TBC1D32: variants seen among roughly 807,000 people sequenced by gnomAD.
The protein encoded by TBC1D32 is protein broad-minded.
In TBC1D32, 151 loss-of-function variants were observed where a neutral mutation model predicts 170.3. The ratio of observed to expected loss-of-function variants is 0.89; its 90% CI spans 0.78 to 1.01. TBC1D32 has a LOEUF of 1.01. Ranked by LOEUF, TBC1D32 falls within the 50% of genes least tolerant of loss-of-function variation. The pLI is 0.00. For synonymous variants in TBC1D32, 498 were observed against 488.0 expected (o/e 1.02, Z -0.27); for missense variants, 1,464 against 1,457.1 (o/e 1.00, Z -0.08).
chr6:121,334,594 A>G (rs1173736038), upstream of TBC1D32: 1 of 775,770 alleles, frequency 1.3e-6, no homozygotes, highest in Non-Finnish European at 2.0e-6. Context: ...CCAGTGCGTC[A>G]TTTCGGAAAA....
chr6:121,157,615 T>G (rs1785074970), intron 24 of TBC1D32, among the ~76,000 whole-genome samples: 1 of 152,124 alleles, frequency 6.6e-6, no homozygotes, highest in Non-Finnish European at 1.5e-5. Flanking sequence ...GTTATGTGCT[T>G]TAGTGTGTCT....
Position 121,080,436 on chromosome 6 carries a change from G to T in TBC1D32, c.*335C>A, listed in dbSNP as rs1382502600. 1.6e-5 allele frequency: 4 copies of T among 248,896 alleles called. No homozygotes were observed. Among genetic ancestry groups the T allele is most frequent in the Non-Finnish European group, 3.3e-5 (4 of 119,798 alleles). 15.4% of individuals were successfully genotyped at this position (248,896 alleles called of 1,614,324 possible). A position where few individuals can be genotyped will look rare whatever the true frequency, so the allele number is the denominator to read the frequency against. ...TCACCATTTTGGCCAGGATGGTCTC[G>T]ATCTCTTGACCTCGTGATCCGCCCA... On this transcript the variant is annotated 3_prime_UTR_variant, in exon 32 of 32. Transcript: ENST00000398212.
chr6:121,156,409 T>C (rs1274129763), intron 24 of TBC1D32, among the ~76,000 whole-genome samples: 1 of 152,048 alleles, frequency 6.6e-6, no homozygotes, highest in Admixed American at 6.5e-5. Context: ...CTTCTTTTTT[T>C]TTTCTTTGTT....
At chr6:121,260,488 T>C (rs1032683794) in intron 15 of TBC1D32, among the ~76,000 whole-genome samples, 2 of 151,926 alleles carry the variant, frequency 1.3e-5, no homozygotes, top group Non-Finnish European at 1.5e-5. Context: ...ACTAGGCGGC[T>C]GGCATGACCC....
rs1264742404 is a variant in TBC1D32, at chr6:121,160,093, G to C, written c.2690C>G (p.Pro897Arg). Residue 897 changes from proline to arginine, a missense_variant, in exon 24 of 32, where the codon CCA (proline) becomes CGA (arginine). Transcript: ENST00000398212. ...TGATGAAAACATTGGCCAAGGATAT[G>C]GATTATCACTCTAAAAAAGAAGCAA... Reference protein sequence around the residue: ...PPRLLEKSDNPYPWPMFSSYP... With the variant: ...PPRLLEKSDNRYPWPMFSSYP... 1 of 1,594,254 alleles carries C rather than the reference G, an allele frequency of 6.3e-7. No individual in the cohort carries two copies.
chr6:121,316,079 A>G (rs1482645103), intron 3 of TBC1D32, among the ~76,000 whole-genome samples: 1 of 152,182 alleles, frequency 6.6e-6, no homozygotes, highest in Non-Finnish European at 1.5e-5. Flanking sequence ...GAAACAAAAC[A>G]AGATAAAAAA....
intron 13 of TBC1D32, 42 bp from the exon 14 acceptor site, chr6:121,281,728 A>G (rs1420760974): frequency 6.8e-7 from 1 of 1,465,402 alleles, no homozygotes; most frequent in East Asian, 2.4e-5. Flanking sequence ...AACATTAAAT[A>G]CTTAGAACTA....
chr6:121,240,144 GT>G (rs1026780931), intron 19 of TBC1D32, among the ~76,000 whole-genome samples: 1 of 152,036 alleles, frequency 6.6e-6, no homozygotes, highest in Non-Finnish European at 1.5e-5. Context: ...TCAAGAAACT[GT>G]AGTCTTCCTC....
At chr6:121,129,755 TATC>T (rs1781231029) in intron 25 of TBC1D32, 2 of 309,954 alleles carry the variant, frequency 6.5e-6, no homozygotes, top group Admixed American at 4.1e-5. Flanking sequence ...AGAGGACAGG[TATC>T]ATTCAGGGGA....
In TBC1D32 at chr6:121,184,867, G is replaced by A. The variant is rs539327842; in HGVS notation, c.2570+20208C>T. Among the ~76,000 whole-genome samples the A allele has an allele frequency of 5.4e-4, 82 of 152,108 alleles. 1 individual carries two copies. Among genetic ancestry groups the A allele is most frequent in the Middle Eastern group, 3.4e-3 (1 of 294 alleles). The stretch of plus-strand genomic sequence containing the variant: ...TTTGCACATAATCCCATTCAAGCAA[G>A]CACTAGGGCAGCTGAGGAAAGAGGC... On this transcript the variant is annotated intron_variant, in intron 22 of 31. Coordinates refer to ENST00000398212, the MANE Select transcript of TBC1D32 (RefSeq NM_152730.6).
chr6:121,294,468 A>C (rs1318254786), intron 11 of TBC1D32, 102 bp downstream of exon 11: 3 of 758,456 alleles, frequency 4.0e-6, no homozygotes, highest in Non-Finnish European at 6.4e-6. Context: ...GACCTAATTT[A>C]CCATACTAAC....
intron 20 of TBC1D32, among the ~76,000 whole-genome samples, chr6:121,229,737 CCTA>C (rs1247211945): frequency 1.3e-5 from 2 of 152,232 alleles, no homozygotes; most frequent in East Asian, 3.9e-4. Flanking sequence ...ACTATCTTCA[CCTA>C]CTATTTGGTT....
At chr6:121,140,965 G>C (rs961452056) in intron 24 of TBC1D32, among the ~76,000 whole-genome samples, 2 of 152,122 alleles carry the variant, frequency 1.3e-5, no homozygotes, top group Non-Finnish European at 2.9e-5. Context: ...TTAATGTCCA[G>C]TGACAGAGTC....
At chr6:121,275,238 A>G (rs1296075119) in intron 15 of TBC1D32, among the ~76,000 whole-genome samples, 1 of 152,216 alleles carries the variant, frequency 6.6e-6, no homozygotes, top group African/African-American at 2.4e-5. Flanking sequence ...GCCTTAAGCT[A>G]AAAGAAATTA....
intron 29 of TBC1D32, among the ~76,000 whole-genome samples, chr6:121,107,571 A>G (rs950348717): frequency 2.0e-5 from 3 of 151,974 alleles, no homozygotes; most frequent in African/African-American, 7.2e-5. Flanking sequence ...TGTTAAAATA[A>G]TAATATGGAC....
chr6:121,238,516 T>C (rs1019134923), intron 20 of TBC1D32, among the ~76,000 whole-genome samples: 2 of 152,110 alleles, frequency 1.3e-5, no homozygotes, highest in African/African-American at 4.8e-5. Flanking sequence ...ACAATCAAAG[T>C]TAGGAATCGT....
At chr6:121,200,510 T>C (rs946290336) in intron 22 of TBC1D32, among the ~76,000 whole-genome samples, 1 of 151,664 alleles carries the variant, frequency 6.6e-6, no homozygotes, top group Admixed American at 6.6e-5. Flanking sequence ...CCTTGGGCAG[T>C]ATCAAAAGTT....
In TBC1D32 at chr6:121,317,641, T is replaced by C; in HGVS notation, c.349A>G (p.Ile117Val). 2 of 1,610,654 alleles carry C rather than the reference T, an allele frequency of 1.2e-6. No homozygotes were observed. The highest frequency in any genetic ancestry group is 1.7e-6 in the Non-Finnish European group (2 of 1,178,442). The change falls in exon 3 of 32, where the codon ATT becomes GTT. Residue 117 changes from isoleucine (I) to valine (V), a missense_variant. Physicochemically the swap from Ile to Val is conservative, Grantham distance 29. Around this residue, in one of 3 missense-constraint regions of TBC1D32, gnomAD observed 1,363 missense variants for 1,338.1 expected, o/e 1.02. Coordinates refer to ENST00000398212, the MANE Select transcript of TBC1D32 (RefSeq NM_152730.6). ...ATAGACTCGACCACAGCTATCATAA[T>C]GTTCTTCAGGTAATGCATCATTTCT... is the stretch of plus-strand genomic sequence containing the variant. ...YKEMMHYLKN[I>V]MIAVVESMIN...
At chr6:121,269,065 G>C (rs923359216) in intron 15 of TBC1D32, among the ~76,000 whole-genome samples, 2 of 152,122 alleles carry the variant, frequency 1.3e-5, no homozygotes, top group African/African-American at 4.8e-5. Flanking sequence ...CAAATGCTGA[G>C]AGATTTTGTC....
Sources: gnomAD v4.1 joint callset for allele counts (sites outside exome capture counted in the v4.1 genomes callset) on GRCh38, gnomAD v4.1.1 for gene constraint, gnomAD v4.1.1 regional missense constraint, MANE v1.5 for transcripts, NCBI Gene and HGNC (gene_info 2026-07-23, HGNC 2026-07-21) for gene names.